Variants in SORCS2 observed in about 807,000 individuals in gnomAD.
SORCS2 encodes the protein VPS10 domain-containing receptor SorCS2.
In SORCS2, 100 loss-of-function variants were observed where a neutral mutation model predicts 141.6. The ratio of observed to expected loss-of-function variants is 0.71; its 90% CI spans 0.60 to 0.83. The LOEUF (loss-of-function observed/expected upper bound fraction) is 0.83, where lower values mean the gene tolerates loss of function less well. Ranked by LOEUF, SORCS2 falls within the 40% of genes least tolerant of loss-of-function variation. SORCS2 has a pLI of 0.00. For missense variants in SORCS2, 1,646 were observed against 1,560.2 expected, an observed-to-expected ratio of 1.05 and a Z score of -0.93; for synonymous variants, 789 against 676.9, an observed-to-expected ratio of 1.17 and a Z score of -2.57.
chr4:7,361,928 G>A (rs1225094420), intron 1 of SORCS2, among the ~76,000 whole-genome samples: 1 of 151,948 alleles, frequency 6.6e-6, no homozygotes, highest in South Asian at 2.1e-4. Flanking sequence ...GAGGGCGGTG[G>A]GGTAGTCCTA....
chr4:7,409,478 T>C (rs2109148672), intron 2 of SORCS2, among the ~76,000 whole-genome samples: 1 of 152,362 alleles, frequency 6.6e-6, no homozygotes, highest in East Asian at 1.9e-4. Context: ...TTTTCACGGC[T>C]GGGCTTGGTA....
chr4:7,726,946 T>C, intron 21 of SORCS2, 43 bp downstream of exon 21: 1 of 1,586,786 alleles, frequency 6.3e-7, no homozygotes, highest in South Asian at 1.1e-5. Flanking sequence ...TCTGCATCTC[T>C]GCTGCAGTCC....
chr4:7,355,623 G>C (rs1721202411), intron 1 of SORCS2, among the ~76,000 whole-genome samples: 1 of 152,146 alleles, frequency 6.6e-6, no homozygotes, highest in African/African-American at 2.4e-5. Flanking sequence ...GAGGGCTGAG[G>C]AGGTTTGCAA....
rs765304880 is a variant in SORCS2 at position 7,712,773 on chromosome 4, G to A, written c.1909G>A (p.Val637Ile). 6.2e-7 allele frequency: 1 copy of A among 1,613,880 alleles called. No homozygotes were observed. Among genetic ancestry groups the A allele is most frequent in the Admixed American group, 1.7e-5 (1 of 60,012 alleles). Residue 637 changes from valine (V) to isoleucine (I), a missense_variant, in exon 15 of 27, where the codon GTC becomes ATC. Transcript: ENST00000507866. ...CAGCTTCCGCTCCGATTGGGAGCTG[G>A]TCAAGGTGGACTTCCGGCCCTCATT... ...HISFRSDWEL[V>I]KVDFRPSFSR...
chr4:7,500,856 G>C (rs919961548), intron 2 of SORCS2, among the ~76,000 whole-genome samples: 9 of 152,156 alleles, frequency 5.9e-5, no homozygotes, highest in Non-Finnish European at 1.5e-5. Flanking sequence ...TCGATGCTGG[G>C]AGCCAGCCTG....
At chr4:7,686,103 A>C in intron 10 of SORCS2, among the ~76,000 whole-genome samples, 1 of 152,144 alleles carries the variant, frequency 6.6e-6, no homozygotes, top group East Asian at 1.9e-4. Context: ...CTGGGTCACA[A>C]ATCTTTGCTC....
chr4:7,500,907 G>C lies in SORCS2; in HGVS notation c.549-30623G>C, dbSNP rs1403262945. On this transcript the variant is annotated intron_variant, in intron 2 of 26. Coordinates refer to ENST00000507866, the MANE Select transcript of SORCS2 (RefSeq NM_020777.3). The stretch of plus-strand genomic sequence containing the variant: ...GAATGAAACCCAGGACAGAGCCCCA[G>C]GCTCCACCAGCCCCGACTCCTGTGA... Among the ~76,000 whole-genome samples, 5 of 152,180 alleles carry C rather than the reference G, an allele frequency of 3.3e-5. No individual in the cohort carries two copies. In the East Asian group the frequency reaches 9.6e-4, roughly 29 times the overall value.
At chr4:7,445,927 C>G (rs1189205354) in intron 2 of SORCS2, among the ~76,000 whole-genome samples, 1 of 152,160 alleles carries the variant, frequency 6.6e-6, no homozygotes, top group Non-Finnish European at 1.5e-5. Context: ...CTCACCTGCC[C>G]AGGCCCACCC....
At chr4:7,582,959 A>T (rs573304637) in intron 3 of SORCS2, among the ~76,000 whole-genome samples, 1 of 152,290 alleles carries the variant, frequency 6.6e-6, no homozygotes, top group African/African-American at 2.4e-5. Flanking sequence ...TTCCTTGAAC[A>T]CAGGGCTGTG....
At chr4:7,263,248 GA>G (rs1714487402) in intron 1 of SORCS2, among the ~76,000 whole-genome samples, 1 of 152,194 alleles carries the variant, frequency 6.6e-6, no homozygotes, top group Non-Finnish European at 1.5e-5. Flanking sequence ...AGTCATTGTT[GA>G]AATCTGTAGA....
At chr4:7,376,032 C>G (rs1722632102) in intron 1 of SORCS2, among the ~76,000 whole-genome samples, 2 of 152,180 alleles carry the variant, frequency 1.3e-5, no homozygotes, top group Non-Finnish European at 2.9e-5. Context: ...GATACAAACA[C>G]ATAAGCTAGG....
intron 1 of SORCS2, among the ~76,000 whole-genome samples, chr4:7,239,693 A>G (rs1712553783): frequency 6.6e-6 from 1 of 152,228 alleles, no homozygotes; most frequent in African/African-American, 2.4e-5. Context: ...CTTATGGGTC[A>G]TTTCCTTCTT....
chr4:7,366,879 A>C (rs1721932155), intron 1 of SORCS2, among the ~76,000 whole-genome samples: 1 of 152,184 alleles, frequency 6.6e-6, no homozygotes, highest in South Asian at 2.1e-4. Flanking sequence ...TGTTGAATGA[A>C]GGCATTCCTT....
At chr4:7,665,926 G>A (rs1722474743) in intron 7 of SORCS2, among the ~76,000 whole-genome samples, 1 of 152,186 alleles carries the variant, frequency 6.6e-6, no homozygotes, top group South Asian at 2.1e-4. Flanking sequence ...GCAGCAAGAG[G>A]GAACACATGC....
intron 2 of SORCS2, among the ~76,000 whole-genome samples, chr4:7,465,001 G>C (rs1364747053): frequency 6.6e-6 from 1 of 152,250 alleles, no homozygotes; most frequent in Non-Finnish European, 1.5e-5. Flanking sequence ...CTAAGTGCTG[G>C]GGGTTCTGCC....
At chr4:7,494,897 G>A (rs1731520522) in intron 2 of SORCS2, among the ~76,000 whole-genome samples, 1 of 152,256 alleles carries the variant, frequency 6.6e-6, no homozygotes, top group Admixed American at 6.5e-5. Context: ...GGAAGTGGGT[G>A]ATGGAGCAGG....
rs984943111 is a variant in SORCS2, at chr4:7,493,931, G to A, written c.549-37599G>A. 2.0e-5 allele frequency among the ~76,000 whole-genome samples: 3 copies of A among 152,274 alleles called. No individual in the cohort carries two copies. The South Asian group carries it at 6.2e-4, about 32-fold the overall frequency. On this transcript the variant is annotated intron_variant, in intron 2 of 26. Transcript: ENST00000507866. ...AAAGTGTGTTAACACTGGGACACAA[G>A]CCTTTTAGTTTCCATCTGGTGCATT...
At chr4:7,564,366 G>A (rs1320989366) in intron 3 of SORCS2, among the ~76,000 whole-genome samples, 1 of 152,146 alleles carries the variant, frequency 6.6e-6, no homozygotes, top group African/African-American at 2.4e-5. Context: ...AGAGCTCTCT[G>A]CCTTCATTGT....
At chr4:7,524,436 C>A (rs1733534231) in intron 2 of SORCS2, among the ~76,000 whole-genome samples, 1 of 152,134 alleles carries the variant, frequency 6.6e-6, no homozygotes, top group South Asian at 2.1e-4. Context: ...ATTTGCACAG[C>A]AGCCTGGGAC....
Sources: gnomAD v4.1 joint callset for allele counts (sites outside exome capture counted in the v4.1 genomes callset) on GRCh38, gnomAD v4.1.1 for gene constraint, MANE v1.5 for transcripts, NCBI Gene and HGNC (gene_info 2026-07-23, HGNC 2026-07-21) for gene names.